SETD2: variants seen among roughly 807,000 people sequenced by gnomAD.
The protein encoded by SETD2 is histone-lysine N-methyltransferase SETD2.
A neutral mutation model predicts 242.1 loss-of-function variants in SETD2; 31 were observed. The ratio of observed to expected loss-of-function variants is 0.13; its 90% confidence interval spans 0.10 to 0.17. SETD2 has a LOEUF of 0.17. SETD2 is among the 10% of genes least tolerant of loss of function. The probability of loss-of-function intolerance (pLI) is 1.00; values close to 1 mark genes in which losing one functional copy is unlikely to be tolerated. For synonymous variants in SETD2, 1,006 were observed against 1,066.5 expected, an observed-to-expected ratio of 0.94 and a Z score of 1.11; for missense variants, 2,481 against 3,046.3, an observed-to-expected ratio of 0.81 and a Z score of 4.37.
chr3:47,106,468 C>A (rs2042423249), intron 5 of SETD2, among the ~76,000 whole-genome samples: 4 of 88,002 alleles, frequency 4.5e-5, no homozygotes, highest in Non-Finnish European at 8.6e-5. Context: ...TCAAGAGACA[C>A]TGAAAAGTTA....
At chr3:47,080,879 G>A (rs1682848589) in intron 12 of SETD2, 3 of 986,712 alleles carry the variant, frequency 3.0e-6, no homozygotes, top group Non-Finnish European at 3.6e-6. Flanking sequence ...AAATAACGCC[G>A]GCGCCAGTGA....
intron 9 of SETD2, among the ~76,000 whole-genome samples, chr3:47,088,520 G>C (rs2041663817): frequency 6.6e-6 from 1 of 152,012 alleles, no homozygotes. Context: ...TATAATTCTA[G>C]GTGGAGATCT....
rs377330507 is a variant in SETD2 at position 47,097,902 on chromosome 3, C to T, written c.5142+53G>A. 6 of 1,589,354 alleles carry T rather than the reference C, an allele frequency of 3.8e-6. No individual in the cohort carries two copies. In the African/African-American group the frequency reaches 6.7e-5, roughly 18 times the overall value. Reference sequence around the variant, plus strand: ...TTATAACCTTCAATCAGAAAAGCCACCTCGCTTTTTAAATTTTTTATTGTG... The same window carrying T: ...TTATAACCTTCAATCAGAAAAGCCATCTCGCTTTTTAAATTTTTTATTGTG... On this transcript the variant is annotated intron_variant, in intron 9 of 20. Transcript: ENST00000409792.
chr3:47,143,884 G>A (rs1575841860), intron 1 of SETD2, among the ~76,000 whole-genome samples: 1 of 152,066 alleles, frequency 6.6e-6, no homozygotes, highest in East Asian at 1.9e-4. Context: ...CTAATTTTTT[G>A]TACTTTTAGT....
chr3:47,145,390 G>T, intron 1 of SETD2: 1 of 254,454 alleles, frequency 3.9e-6, no homozygotes, highest in Non-Finnish European at 8.5e-6. Context: ...GTATGCCTGT[G>T]TTTTGTTTTT....
At chr3:47,029,147 C>T (rs577629976) in intron 18 of SETD2, 1 of 154,954 alleles carries the variant, frequency 6.5e-6, no homozygotes, top group East Asian at 1.9e-4. Flanking sequence ...ACTGCAGCCT[C>T]GACCTCTGGG....
chr3:47,036,444 A>G lies in SETD2; in HGVS notation c.7350+1222T>C, dbSNP rs577018585. Among the ~76,000 whole-genome samples, 19 of 152,218 alleles carry G rather than the reference A, an allele frequency of 1.2e-4. No homozygotes were observed. The Middle Eastern group carries it at 0.017, about 137-fold the overall frequency. ...GTGGCGCACACCTATAATCCCAGCT[A>G]CTTGGGTGGTTGAGACATGAGAACT... On this transcript the variant is annotated intron_variant, in intron 18 of 20. Transcript: ENST00000409792.
At chr3:47,024,674 C>T (rs2038392888) in intron 18 of SETD2, among the ~76,000 whole-genome samples, 1 of 152,184 alleles carries the variant, frequency 6.6e-6, no homozygotes, top group Admixed American at 6.5e-5. Context: ...GCTCTTGATG[C>T]CACCTCTCTG....
At position 47,154,237 on chromosome 3, in the gene SETD2, C is replaced by T. The variant is rs537707315; in HGVS notation, c.71+9617G>A. ...CATCCTGGCCAACATGGTGAAACCCCGTCTCTACTAAAAATATAAAAATTA... is the reference window on the plus strand; with the variant it reads ...CATCCTGGCCAACATGGTGAAACCCTGTCTCTACTAAAAATATAAAAATTA... On this transcript the variant is annotated intron_variant, in intron 1 of 20. Transcript: ENST00000409792. Among the ~76,000 whole-genome samples the T allele has an allele frequency of 7.5e-4, 114 of 151,880 alleles. 3 individuals are homozygous for T. In the South Asian group the frequency reaches 0.023, roughly 31 times the overall value.
At chr3:47,089,661 T>C (rs1279208184) in intron 9 of SETD2, among the ~76,000 whole-genome samples, 1 of 152,138 alleles carries the variant, frequency 6.6e-6, no homozygotes, top group African/African-American at 2.4e-5. Context: ...TTACAGGACA[T>C]AAAGATTCTT....
intron 1 of SETD2, chr3:47,157,429 A>T: frequency 2.2e-6 from 1 of 453,430 alleles, no homozygotes; most frequent in South Asian, 1.6e-5. Context: ...ATAGAATCTG[A>T]CTATCCTGAC....
At chr3:47,134,186 T>C (rs2043542540) in intron 1 of SETD2, among the ~76,000 whole-genome samples, 1 of 152,212 alleles carries the variant, frequency 6.6e-6, no homozygotes, top group Non-Finnish European at 1.5e-5. Context: ...TGTTTTGTTT[T>C]AATTTTAGGA....
intron 16 of SETD2, among the ~76,000 whole-genome samples, 175 bp downstream of exon 16, chr3:47,046,312 G>A (rs1429888308): frequency 1.3e-5 from 2 of 150,228 alleles, no homozygotes; most frequent in Non-Finnish European, 3.0e-5. Flanking sequence ...ACTCCAGCCT[G>A]GGTGACAGAG....
At chr3:47,031,656 GA>G (rs1325359202) in intron 18 of SETD2, among the ~76,000 whole-genome samples, 11 of 152,152 alleles carry the variant, frequency 7.2e-5, no homozygotes, top group Non-Finnish European at 1.5e-4. Flanking sequence ...GGTAGATTGT[GA>G]TAAGATAAAT....
Position 47,120,455 on chromosome 3 carries a change from T to C in SETD2, c.4181A>G (p.Glu1394Gly). ...NEKKDFSKNL[E>G]KNDIKDRGPL... is the part of the protein sequence containing the mutation. ...CCCTCTATCTTTGATATCATTTTTT[T>C]CTAAGTTTTTTGAAAAATCTTTCTT... The change falls in exon 3 of 21, where the codon GAA becomes GGA. Residue 1394 changes from glutamate (E) to glycine (G), a missense_variant. By Grantham distance (98) the Glu-to-Gly change is moderately conservative. Around this residue, in one of 17 missense-constraint regions of SETD2, gnomAD observed 1,300 missense variants for 1,259.2 expected, o/e 1.03. Coordinates refer to ENST00000409792, the MANE Select transcript of SETD2 (RefSeq NM_014159.7). 2 of 1,613,330 alleles carry C rather than the reference T, an allele frequency of 1.2e-6. No individual in the cohort carries two copies. Among genetic ancestry groups the C allele is most frequent in the East Asian group, 2.2e-5 (1 of 44,890 alleles).
intron 8 of SETD2, 37 bp downstream of exon 8, chr3:47,101,421 C>G: frequency 8.8e-7 from 1 of 1,140,376 alleles, no homozygotes; most frequent in Non-Finnish European, 1.3e-6. Flanking sequence ...CCTATTTCCC[C>G]ATCAGAAGCA....
intron 16 of SETD2, among the ~76,000 whole-genome samples, chr3:47,044,293 C>T (rs1287057547): frequency 3.2e-5 from 4 of 124,524 alleles, no homozygotes; most frequent in Non-Finnish European, 4.7e-5. Flanking sequence ...CAGTGAGCCG[C>T]GAGATCAAAC....
chr3:47,147,790 G>A (rs2043893486), intron 1 of SETD2, among the ~76,000 whole-genome samples: 1 of 151,512 alleles, frequency 6.6e-6, no homozygotes, highest in African/African-American at 2.4e-5. Flanking sequence ...GGGCAAGGTG[G>A]TGGGCGCCTG....
chr3:47,102,341 T>C (rs1029875165), intron 7 of SETD2, among the ~76,000 whole-genome samples: 2 of 152,222 alleles, frequency 1.3e-5, no homozygotes, highest in African/African-American at 2.4e-5. Context: ...TTCTCCTTTT[T>C]GTTATACAAC....
Sources: allele counts gnomAD v4.1 joint callset (sites outside exome capture counted in the v4.1 genomes callset), GRCh38; gene constraint gnomAD v4.1.1; regional missense constraint gnomAD v4.1.1; transcripts MANE v1.5; gene names NCBI Gene and HGNC (gene_info 2026-07-23, HGNC 2026-07-21).